The following ADAMTS12 variants were observed in gnomAD, a reference collection of about 807,000 sequenced individuals.
The protein encoded by ADAMTS12 is ADAM metallopeptidase with thrombospondin type 1 motif 12.
In ADAMTS12, 118 loss-of-function variants were observed where a neutral mutation model predicts 167.8. The ratio of observed to expected loss-of-function variants is 0.70; its 90% confidence interval spans 0.61 to 0.82. The LOEUF is 0.82. Ranked by LOEUF, ADAMTS12 falls within the 40% of genes least tolerant of loss-of-function variation. The pLI is 0.00. For missense variants in ADAMTS12, 1,916 were observed against 1,998.8 expected, an observed-to-expected ratio of 0.96 and a Z score of 0.79; for synonymous variants, 704 against 716.9, an observed-to-expected ratio of 0.98 and a Z score of 0.29.
chr5:33,843,847 T>C (rs1748840734), intron 2 of ADAMTS12, among the ~76,000 whole-genome samples: 1 of 152,228 alleles, frequency 6.6e-6, no homozygotes, highest in Admixed American at 6.5e-5. Context: ...CAAGATCTCC[T>C]ACTACACAGA....
At chr5:33,623,830 T>A (rs13166731) in intron 14 of ADAMTS12, among the ~76,000 whole-genome samples, 17,535 of 152,232 alleles carry the variant, frequency 0.12, 1,065 homozygotes, top group Middle Eastern at 0.18. Flanking sequence ...TCCTTGTGTC[T>A]GCAGCCTTCT....
intron 2 of ADAMTS12, among the ~76,000 whole-genome samples, chr5:33,758,998 G>A (rs146668351): frequency 6.6e-5 from 10 of 152,308 alleles, no homozygotes; most frequent in Non-Finnish European, 1.0e-4. Flanking sequence ...CCCACTAACC[G>A]AAGTAGAACC....
At chr5:33,717,796 T>C (rs1371652640) in intron 3 of ADAMTS12, among the ~76,000 whole-genome samples, 1 of 152,230 alleles carries the variant, frequency 6.6e-6, no homozygotes, top group African/African-American at 2.4e-5. Flanking sequence ...AACTGATGAA[T>C]ATATTTTTCT....
chr5:33,637,231 G>A (rs957320210), intron 12 of ADAMTS12, among the ~76,000 whole-genome samples: 6 of 152,064 alleles, frequency 3.9e-5, no homozygotes, highest in African/African-American at 9.7e-5. Flanking sequence ...AATTTCTGAC[G>A]AAATCACAGT....
At chr5:33,807,882 G>A (rs1332655702) in intron 2 of ADAMTS12, among the ~76,000 whole-genome samples, 1 of 151,774 alleles carries the variant, frequency 6.6e-6, no homozygotes, top group Non-Finnish European at 1.5e-5. Flanking sequence ...ACGAGTTGGA[G>A]CTGGGATGCA....
chr5:33,541,141 T>C (rs1353331684), intron 22 of ADAMTS12, among the ~76,000 whole-genome samples: 3 of 152,284 alleles, frequency 2.0e-5, no homozygotes, highest in Admixed American at 6.5e-5. Flanking sequence ...AGACCTTAAA[T>C]GACCTGATGG....
intron 18 of ADAMTS12, 131 bp from the exon 19 acceptor site, chr5:33,577,291 T>C (rs1746809344): frequency 8.4e-6 from 11 of 1,314,160 alleles, no homozygotes; most frequent in Non-Finnish European, 1.2e-5. Flanking sequence ...TATCTACATT[T>C]GGTTTCTGTG....
intron 2 of ADAMTS12, among the ~76,000 whole-genome samples, chr5:33,785,733 C>A (rs908015780): frequency 6.6e-6 from 1 of 152,064 alleles, no homozygotes; most frequent in African/African-American, 2.4e-5. Context: ...TAAAATGGTA[C>A]AATTATTTTG....
In ADAMTS12 at chr5:33,524,612, A is replaced by C. The variant is rs1435776199; in HGVS notation, c.*2576T>G. On this transcript the variant is annotated 3_prime_UTR_variant, in exon 24 of 24. Coordinates refer to ENST00000504830, the MANE Select transcript of ADAMTS12 (RefSeq NM_030955.4). ...TCCTGTCTTCAGAGTCTTCCTGTTG[A>C]TCTGAGTCCCCTCTTGTACAGCAAG... The C allele has an allele frequency of 6.6e-6, 1 of 152,196 alleles. No individual in the cohort carries two copies. Among genetic ancestry groups the C allele is most frequent in the Non-Finnish European group, 1.5e-5 (1 of 68,054 alleles). The allele number at this position is 152,196 out of a possible 1,614,324, so 9.4% of individuals were successfully genotyped here.
intron 5 of ADAMTS12, among the ~76,000 whole-genome samples, chr5:33,664,850 G>T (rs538172279): frequency 1.3e-5 from 2 of 152,218 alleles, no homozygotes; most frequent in African/African-American, 4.8e-5. Context: ...CATGTTCACT[G>T]CAGAATTATT....
intron 3 of ADAMTS12, among the ~76,000 whole-genome samples, chr5:33,726,385 C>A (rs1743982626): frequency 6.6e-6 from 1 of 152,112 alleles, no homozygotes; most frequent in Non-Finnish European, 1.5e-5. Context: ...ACCACCAAAA[C>A]CCACCAAATT....
intron 17 of ADAMTS12, among the ~76,000 whole-genome samples, chr5:33,591,286 A>G (rs1431493223): frequency 6.6e-6 from 1 of 152,016 alleles, no homozygotes; most frequent in Non-Finnish European, 1.5e-5. Flanking sequence ...GCTTCTACTG[A>G]TTCCCCTATC....
Position 33,641,857 on chromosome 5 carries a change from G to A in ADAMTS12, c.1671C>T (p.Thr557=), listed in dbSNP as rs1379411655. Residue 557 remains threonine (T), a synonymous_variant, in exon 11 of 24, where the codon ACC becomes ACT. Transcript: ENST00000504830. The stretch of plus-strand genomic sequence containing the variant: ...CTGCGCTCTGGACTCCAGCCCCACA[G>A]GTCCTGGAACAGTGGGACCAGGGTG... ...RWSPWSHCSR[T]CGAGVQSAER... 5 of 1,613,626 alleles carry A rather than the reference G, an allele frequency of 3.1e-6. No homozygotes were observed. Among genetic ancestry groups the A allele is most frequent in the Middle Eastern group, 1.7e-4 (1 of 6,060 alleles).
chr5:33,700,926 C>A (rs987558956), intron 3 of ADAMTS12, among the ~76,000 whole-genome samples: 2 of 152,068 alleles, frequency 1.3e-5, no homozygotes, highest in Admixed American at 1.3e-4. Flanking sequence ...AAAACCTACA[C>A]GTAAATCTCC....
At chr5:33,728,926 G>GTA (rs1409931011) in intron 3 of ADAMTS12, among the ~76,000 whole-genome samples, 1 of 152,180 alleles carries the variant, frequency 6.6e-6, no homozygotes, top group Non-Finnish European at 1.5e-5. Flanking sequence ...ATGCATATGT[G>GTA]TATATGTACA....
intron 2 of ADAMTS12, among the ~76,000 whole-genome samples, chr5:33,879,317 C>T (rs1008381361): frequency 2.0e-5 from 3 of 152,062 alleles, no homozygotes; most frequent in African/African-American, 7.2e-5. Context: ...TTCTGCAGGT[C>T]CACAGACCAT....
At chr5:33,850,569 C>A (rs1425245179) in intron 2 of ADAMTS12, among the ~76,000 whole-genome samples, 1 of 152,208 alleles carries the variant, frequency 6.6e-6, no homozygotes, top group Non-Finnish European at 1.5e-5. Context: ...GCAGCCTTTT[C>A]CTCACAGGAA....
At chr5:33,828,135 C>T (rs763488714) in intron 2 of ADAMTS12, among the ~76,000 whole-genome samples, 6 of 152,184 alleles carry the variant, frequency 3.9e-5, no homozygotes, top group Admixed American at 6.5e-5. Flanking sequence ...ATGGTCACAC[C>T]AGGCTACTCC....
intron 2 of ADAMTS12, among the ~76,000 whole-genome samples, chr5:33,812,135 C>A (rs1358367332): frequency 6.6e-6 from 1 of 152,036 alleles, no homozygotes; most frequent in African/African-American, 2.4e-5. Context: ...ATTAAAAAAA[C>A]AAAAATAGCC....
Sources: gnomAD v4.1 joint callset for allele counts (sites outside exome capture counted in the v4.1 genomes callset) on GRCh38, gnomAD v4.1.1 for gene constraint, MANE v1.5 for transcripts, NCBI Gene and HGNC (gene_info 2026-07-23, HGNC 2026-07-21) for gene names.